Variants in OLFM3 observed in about 807,000 individuals in gnomAD.
The protein encoded by OLFM3 is olfactomedin 3, also known as noelin-3.
A neutral mutation model predicts 48.6 loss-of-function variants in OLFM3; 20 were observed. The ratio of observed to expected loss-of-function variants is 0.41; its 90% CI spans 0.29 to 0.60. OLFM3 has a LOEUF of 0.60. Among genes scored for constraint, OLFM3 ranks in the 20% least tolerant of loss-of-function variants. The pLI, the probability that OLFM3 is intolerant of heterozygous loss-of-function variation, is 0.28. For missense variants in OLFM3, 437 were observed against 544.3 expected, an observed-to-expected ratio of 0.80 and a Z score of 1.96; for synonymous variants, 222 against 198.1, an observed-to-expected ratio of 1.12 and a Z score of -1.01.
intron 1 of OLFM3, among the ~76,000 whole-genome samples, chr1:101,846,050 A>G (rs1655977946): frequency 6.6e-6 from 1 of 152,158 alleles, no homozygotes; most frequent in African/African-American, 2.4e-5. Context: ...TTTTATTTGA[A>G]TTTGTAAATT....
intron 1 of OLFM3, among the ~76,000 whole-genome samples, chr1:101,973,873 C>T (rs1262002858): frequency 6.6e-6 from 1 of 152,092 alleles, no homozygotes; most frequent in Non-Finnish European, 1.5e-5. Flanking sequence ...TGATTATTGG[C>T]AGTTTTGATA....
chr1:101,858,571 C>G (rs778939328), intron 1 of OLFM3, among the ~76,000 whole-genome samples: 4 of 151,898 alleles, frequency 2.6e-5, no homozygotes, highest in Non-Finnish European at 5.9e-5. Context: ...TTGTAATTCT[C>G]AATGTTGGAG....
intron 1 of OLFM3, among the ~76,000 whole-genome samples, chr1:101,906,615 T>C (rs2101023620): frequency 6.6e-6 from 1 of 152,272 alleles, no homozygotes; most frequent in African/African-American, 2.4e-5. Flanking sequence ...AATAAAACCA[T>C]GGAAGAACCT....
chr1:101,989,287 C>G (rs1031843578), intron 1 of OLFM3, among the ~76,000 whole-genome samples: 3 of 152,090 alleles, frequency 2.0e-5, no homozygotes, highest in Non-Finnish European at 4.4e-5. Context: ...GTGATACATG[C>G]TTTACAACAC....
chr1:101,804,375 A>C lies in OLFM3; in HGVS notation c.1240T>G (p.Phe414Val), dbSNP rs1653655614. 6.2e-7 allele frequency: 1 copy of C among 1,612,416 alleles called. No homozygotes were observed. Among genetic ancestry groups the C allele is most frequent in the African/African-American group, 1.3e-5 (1 of 74,746 alleles). The change falls in exon 6 of 6, where the codon TTC becomes GTC. Residue 414 changes from phenylalanine to valine, a missense_variant. Transcript: ENST00000370103. This position sits in a 1 kb window ranked among gnomAD's most constrained non-coding sequence, Gnocchi z 4.5. ...GATATGTGAAAGTATTGGTTATGGA[A>C]GGGAATGTCTGTGTACTCATATGTG... ...TSTYEYTDIP[F>V]HNQYFHISML...
intron 1 of OLFM3, among the ~76,000 whole-genome samples, chr1:101,873,859 G>A (rs976316021): frequency 9.2e-5 from 14 of 151,670 alleles, no homozygotes; most frequent in Middle Eastern, 3.4e-3. Context: ...AAATTTTGCC[G>A]GACCAATTAA....
chr1:101,825,345 TC>T (rs1654812585), intron 3 of OLFM3, 100 bp from the exon 4 acceptor site: 1 of 930,124 alleles, frequency 1.1e-6, no homozygotes, highest in South Asian at 1.9e-5. Flanking sequence ...TAAAACAGCT[TC>T]AACATTTCTT....
intron 1 of OLFM3, among the ~76,000 whole-genome samples, chr1:101,974,159 TAA>T (rs5776615): frequency 6.9e-6 from 1 of 145,928 alleles, no homozygotes; most frequent in Non-Finnish European, 1.5e-5. Flanking sequence ...CGGTGGATGC[TAA>T]AAAAAAAAAA....
At chr1:101,884,283 A>G (rs1342269886) in intron 1 of OLFM3, among the ~76,000 whole-genome samples, 1 of 152,040 alleles carries the variant, frequency 6.6e-6, no homozygotes, top group South Asian at 2.1e-4. Context: ...AAAGCTGGAT[A>G]ATTTAGTGCC....
intron 1 of OLFM3, among the ~76,000 whole-genome samples, chr1:101,993,857 A>G (rs1275960978): frequency 1.3e-5 from 2 of 151,932 alleles, no homozygotes; most frequent in Non-Finnish European, 2.9e-5. Flanking sequence ...AAAACCTGAA[A>G]ACAATACTGA....
intron 1 of OLFM3, chr1:101,846,743 C>T: frequency 2.6e-6 from 2 of 773,096 alleles, no homozygotes; most frequent in Non-Finnish European, 4.4e-6. Flanking sequence ...TGAAGCTGAC[C>T]TGTAAAGGCA....
chr1:101,978,628 T>G (rs116024901), intron 1 of OLFM3, among the ~76,000 whole-genome samples: 1 of 152,192 alleles, frequency 6.6e-6, no homozygotes. Context: ...TTTTGATCAT[T>G]GAGGTTTCAC....
intron 1 of OLFM3, among the ~76,000 whole-genome samples, chr1:101,925,332 T>C (rs1659238324): frequency 6.6e-6 from 1 of 152,034 alleles, no homozygotes; most frequent in South Asian, 2.1e-4. Flanking sequence ...GGCGTTTTTT[T>C]TAATGAAATA....
intron 1 of OLFM3, chr1:101,847,017 C>A (rs114601662): frequency 3.2e-6 from 5 of 1,566,270 alleles, no homozygotes; most frequent in African/African-American, 1.4e-5. Flanking sequence ...ATTAAGATCC[C>A]GGTGCCGGGC....
chr1:101,932,454 T>A (rs1032941969), intron 1 of OLFM3, among the ~76,000 whole-genome samples: 2 of 152,088 alleles, frequency 1.3e-5, no homozygotes, highest in African/African-American at 4.8e-5. Context: ...AGGGAGGACA[T>A]AGACACTGGG....
At chr1:101,903,327 A>G (rs1335787552) in intron 1 of OLFM3, among the ~76,000 whole-genome samples, 4 of 152,084 alleles carry the variant, frequency 2.6e-5, no homozygotes, top group African/African-American at 9.7e-5. Flanking sequence ...ATTAGAGAGG[A>G]GTTTAATTCT....
At chr1:101,865,590 C>T (rs1656828092) in intron 1 of OLFM3, among the ~76,000 whole-genome samples, 1 of 152,196 alleles carries the variant, frequency 6.6e-6, no homozygotes. Flanking sequence ...AAATCAGCAG[C>T]AGGTCATTCA....
chr1:101,861,828 T>C (rs532210553), intron 1 of OLFM3, among the ~76,000 whole-genome samples: 22 of 152,338 alleles, frequency 1.4e-4, no homozygotes, highest in African/African-American at 5.3e-4. Context: ...GAGATTATAA[T>C]ATCTACTGAT....
At chr1:101,983,200 A>G (rs1661147954) in intron 1 of OLFM3, among the ~76,000 whole-genome samples, 1 of 152,228 alleles carries the variant, frequency 6.6e-6, no homozygotes, top group South Asian at 2.1e-4. Context: ...CATGTAAAAA[A>G]GCTCTTCAGT....
Sources: allele counts gnomAD v4.1 joint callset (sites outside exome capture counted in the v4.1 genomes callset), GRCh38; gene constraint gnomAD v4.1.1; non-coding constraint Gnocchi (gnomAD v3.1); transcripts MANE v1.5; gene names NCBI Gene and HGNC (gene_info 2026-07-23, HGNC 2026-07-21).